Variants in SLMAP observed in about 807,000 individuals in gnomAD.
The protein encoded by SLMAP is sarcolemma associated protein.
A neutral mutation model predicts 128.8 loss-of-function variants in SLMAP; 44 were observed. The ratio of observed to expected loss-of-function variants is 0.34; its 90% CI spans 0.27 to 0.44. The LOEUF is 0.44. Among genes scored for constraint, SLMAP ranks in the 20% least tolerant of loss-of-function variants. SLMAP has a pLI of 1.00. For missense variants in SLMAP, 787 were observed against 985.3 expected, an observed-to-expected ratio of 0.80 and a Z score of 2.69; for synonymous variants, 327 against 348.8, an observed-to-expected ratio of 0.94 and a Z score of 0.70.
chr3:57,906,310 C>CTTTTTTTTCTTTTTTTT (rs2096550422), intron 17 of SLMAP, among the ~76,000 whole-genome samples: 2 of 47,034 alleles, frequency 4.3e-5, no homozygotes, highest in African/African-American at 1.4e-4. Context: ...CTTTTTTTTT[C>CTTTTTTTTCTTTTTTTT]TTTTTTTTTT....
intron 21 of SLMAP, among the ~76,000 whole-genome samples, chr3:57,915,218 G>A (rs1576348813): frequency 6.6e-6 from 1 of 152,166 alleles, no homozygotes; most frequent in African/African-American, 2.4e-5. Flanking sequence ...TTTTTAAGAT[G>A]TGATTAATTG....
intron 2 of SLMAP, among the ~76,000 whole-genome samples, chr3:57,772,128 T>G (rs1033901571): frequency 2.6e-5 from 4 of 152,202 alleles, no homozygotes; most frequent in African/African-American, 9.6e-5. Flanking sequence ...CACTATGTGA[T>G]CAAGATTGAG....
At chr3:57,854,660 C>A (rs189325668) in intron 6 of SLMAP, among the ~76,000 whole-genome samples, 1 of 152,140 alleles carries the variant, frequency 6.6e-6, no homozygotes, top group Non-Finnish European at 1.5e-5. Flanking sequence ...AAATTAAAAG[C>A]TATTTCTATT....
chr3:57,887,751 C>T (rs1384085291), intron 14 of SLMAP, among the ~76,000 whole-genome samples: 1 of 152,092 alleles, frequency 6.6e-6, no homozygotes, highest in Non-Finnish European at 1.5e-5. Context: ...AGCATCAGTC[C>T]TATGAATCTT....
At chr3:57,849,858 T>C in intron 6 of SLMAP, 42 bp downstream of exon 6, 1 of 1,126,280 alleles carries the variant, frequency 8.9e-7, no homozygotes, top group South Asian at 1.2e-5. Flanking sequence ...AGAATTTCTT[T>C]TAAACTTTTA....
chr3:57,779,391 C>T (rs1298829541), intron 2 of SLMAP, among the ~76,000 whole-genome samples: 1 of 151,656 alleles, frequency 6.6e-6, no homozygotes, highest in Non-Finnish European at 1.5e-5. Context: ...TGCCTCTTGT[C>T]CCAGCTACTC....
chr3:57,879,318 A>C (rs967383223), intron 14 of SLMAP, among the ~76,000 whole-genome samples: 1 of 152,206 alleles, frequency 6.6e-6, no homozygotes, highest in Non-Finnish European at 1.5e-5. Context: ...CTTCTGACTA[A>C]ATGCTTAGAT....
At chr3:57,901,574 A>G (rs2096380014) in intron 17 of SLMAP, 1 of 152,230 alleles carries the variant, frequency 6.6e-6, no homozygotes. Flanking sequence ...AGGACATACA[A>G]AGAACTAGGC....
chr3:57,856,500 C>A (rs2094797820), intron 6 of SLMAP, among the ~76,000 whole-genome samples: 1 of 152,128 alleles, frequency 6.6e-6, no homozygotes, highest in Non-Finnish European at 1.5e-5. Flanking sequence ...CCTAGGCCTA[C>A]ACAGTATCAA....
chr3:57,909,138 C>G lies in SLMAP; in HGVS notation c.1687C>G (p.Gln563Glu). ...AGTTGAGGAATCCACTAAACAAATA[C>G]AGGTTCTTCAAGGTATGGAAGACCC... is the stretch of plus-strand genomic sequence containing the variant. The part of the protein sequence containing the change: ...NQVEESTKQI[Q>E]VLQAQLQRLH... The change falls in exon 19 of 25, where the codon CAG becomes GAG. Residue 563 changes from glutamine to glutamate, a missense_variant. Around this residue, in one of 2 missense-constraint regions of SLMAP, gnomAD observed 715 missense variants for 843.6 expected, o/e 0.85. Coordinates refer to ENST00000671191, the MANE Select transcript of SLMAP (RefSeq NM_001377540.1). 6.2e-7 allele frequency: 1 copy of G among 1,607,212 alleles called. No individual in the cohort carries two copies. Among genetic ancestry groups the G allele is most frequent in the South Asian group, 1.1e-5 (1 of 90,148 alleles).
chr3:57,856,150 C>G (rs1333056089), intron 6 of SLMAP, among the ~76,000 whole-genome samples: 1 of 151,902 alleles, frequency 6.6e-6, no homozygotes, highest in African/African-American at 2.4e-5. Flanking sequence ...TTTGAGATTA[C>G]AGTGAGCCAT....
intron 2 of SLMAP, among the ~76,000 whole-genome samples, chr3:57,789,960 C>T (rs1243008135): frequency 2.0e-5 from 3 of 152,148 alleles, no homozygotes; most frequent in African/African-American, 4.8e-5. Context: ...CCTCAGCCTC[C>T]CAAGTAGCTG....
intron 22 of SLMAP, among the ~76,000 whole-genome samples, chr3:57,922,658 A>G (rs2096938700): frequency 6.6e-6 from 1 of 152,002 alleles, no homozygotes; most frequent in Non-Finnish European, 1.5e-5. Flanking sequence ...CGAACTCCTG[A>G]CCTCGTGATC....
intron 6 of SLMAP, among the ~76,000 whole-genome samples, chr3:57,853,985 A>G (rs1281562787): frequency 9.2e-6 from 1 of 109,192 alleles, no homozygotes; most frequent in African/African-American, 3.6e-5. Context: ...ATATATATAT[A>G]TATATATATA....
In SLMAP at chr3:57,896,553, T is replaced by C. The variant is rs1223427469; in HGVS notation, c.1403T>C (p.Leu468Pro). Residue 468 changes from leucine (L) to proline (P), a missense_variant, in exon 16 of 25, where the codon CTG (leucine) becomes CCG (proline). Around this residue, in one of 2 missense-constraint regions of SLMAP, gnomAD observed 715 missense variants for 843.6 expected, o/e 0.85. Coordinates refer to ENST00000671191, the MANE Select transcript of SLMAP (RefSeq NM_001377540.1). ...RAKESDFSDTLSPSKEKSSDD... is the reference protein window; with the variant it reads ...RAKESDFSDTPSPSKEKSSDD... ...AAAGAATCTGATTTTTCAGATACTC[T>C]GAGTCCAAGCAAGGAAAAAAGCAGT... 1 of 1,610,988 alleles carries C rather than the reference T, an allele frequency of 6.2e-7. No homozygotes were observed. The highest frequency in any genetic ancestry group is 1.3e-5 in the African/African-American group (1 of 74,756).
chr3:57,876,622 G>A (rs2095609240), intron 14 of SLMAP, among the ~76,000 whole-genome samples: 1 of 152,174 alleles, frequency 6.6e-6, no homozygotes, highest in South Asian at 2.1e-4. Flanking sequence ...GCAAATTTTA[G>A]TTACTTAAAG....
At chr3:57,910,538 T>C (rs1481667980) in intron 19 of SLMAP, among the ~76,000 whole-genome samples, 2 of 152,218 alleles carry the variant, frequency 1.3e-5, no homozygotes, top group African/African-American at 2.4e-5. Context: ...CTGATTTTCG[T>C]TGATAATGGC....
chr3:57,871,570 C>A, intron 13 of SLMAP, 66 bp from the exon 14 acceptor site: 1 of 1,220,858 alleles, frequency 8.2e-7, no homozygotes, highest in Non-Finnish European at 1.2e-6. Flanking sequence ...AGTTTTCCTA[C>A]CTTTGCTGTT....
intron 6 of SLMAP, among the ~76,000 whole-genome samples, chr3:57,852,313 A>G (rs911120574): frequency 1.3e-5 from 2 of 152,228 alleles, no homozygotes; most frequent in African/African-American, 2.4e-5. Context: ...TGTATTAATC[A>G]GATCTTATCT....
Sources: allele counts gnomAD v4.1 joint callset (sites outside exome capture counted in the v4.1 genomes callset), GRCh38; gene constraint gnomAD v4.1.1; regional missense constraint gnomAD v4.1.1; transcripts MANE v1.5; gene names NCBI Gene and HGNC (gene_info 2026-07-23, HGNC 2026-07-21).